ARHGAP18: variants seen among roughly 807,000 people sequenced by gnomAD.
ARHGAP18 encodes the protein rho GTPase-activating protein 18.
Under a neutral mutation model 86.2 loss-of-function variants are expected in ARHGAP18, and 67 were observed. That is an observed-to-expected ratio of 0.78 (90% CI 0.64 to 0.95). The LOEUF (loss-of-function observed/expected upper bound fraction) is 0.95, where lower values mean the gene tolerates loss of function less well. Ranked by LOEUF, ARHGAP18 falls within the 40% of genes least tolerant of loss-of-function variation. The pLI, the probability that ARHGAP18 is intolerant of heterozygous loss-of-function variation, is 0.00. For missense variants in ARHGAP18, 691 were observed against 780.4 expected (o/e 0.89, Z 1.37); for synonymous variants, 283 against 280.4 (o/e 1.01, Z -0.09).
At chr6:129,684,104 G>A (rs1720062019) in intron 1 of ARHGAP18, among the ~76,000 whole-genome samples, 1 of 152,220 alleles carries the variant, frequency 6.6e-6, no homozygotes, top group African/African-American at 2.4e-5. Flanking sequence ...GCAGGCCTGG[G>A]GAGAGAGATG....
intron 1 of ARHGAP18, among the ~76,000 whole-genome samples, chr6:129,687,448 C>T (rs1473105188): frequency 6.6e-6 from 1 of 152,102 alleles, no homozygotes; most frequent in Non-Finnish European, 1.5e-5. Context: ...TTTCTTCTTC[C>T]TCAGGCACCA....
intron 4 of ARHGAP18, among the ~76,000 whole-genome samples, chr6:129,630,814 A>T (rs1773187320): frequency 6.6e-6 from 1 of 152,200 alleles, no homozygotes; most frequent in Non-Finnish European, 1.5e-5. Context: ...TGTAAATAAG[A>T]GGCCCTATAT....
chr6:129,674,757 A>G (rs1161397903), intron 1 of ARHGAP18, among the ~76,000 whole-genome samples: 1 of 152,188 alleles, frequency 6.6e-6, no homozygotes, highest in African/African-American at 2.4e-5. Context: ...CCTGGAATCA[A>G]TCCCCCATGG....
In ARHGAP18 at chr6:129,615,470, A is replaced by G. The variant is rs187827545; in HGVS notation, c.1044+742T>C. 1.4e-4 allele frequency among the ~76,000 whole-genome samples: 21 copies of G among 152,328 alleles called. No individual in the cohort carries two copies. In the East Asian group the frequency reaches 2.3e-3, roughly 17 times the overall value. ...GGAAGAATAAGTGCCAAGTAGATTG[A>G]GCCTTAGTACTGGATGAGTTTGCTG... On this transcript the variant is annotated intron_variant, in intron 7 of 14. Coordinates refer to ENST00000368149, the MANE Select transcript of ARHGAP18 (RefSeq NM_033515.3).
At chr6:129,586,800 G>C (rs1024205622) in intron 12 of ARHGAP18, among the ~76,000 whole-genome samples, 2 of 152,124 alleles carry the variant, frequency 1.3e-5, no homozygotes, top group African/African-American at 4.8e-5. Flanking sequence ...ACCTTCTACT[G>C]TTTGGATAAA....
chr6:129,588,107 G>T (rs943299916), intron 12 of ARHGAP18, among the ~76,000 whole-genome samples: 5 of 148,752 alleles, frequency 3.4e-5, no homozygotes, highest in Admixed American at 1.4e-4. Context: ...AATCCAACAG[G>T]GAAGTCACCA....
chr6:129,638,762 C>T (rs1773387032), intron 2 of ARHGAP18, 133 bp from the exon 3 acceptor site: 1 of 790,274 alleles, frequency 1.3e-6, no homozygotes, highest in Non-Finnish European at 2.0e-6. Context: ...TTATCTAAAA[C>T]TTGGACAACT....
At chr6:129,694,217 G>T (rs562724586) in intron 1 of ARHGAP18, among the ~76,000 whole-genome samples, 1 of 152,196 alleles carries the variant, frequency 6.6e-6, no homozygotes, top group East Asian at 1.9e-4. Context: ...AATAGCATTC[G>T]GTTCACAAAA....
Position 129,618,733 on chromosome 6 carries a change from C to G in ARHGAP18, c.906G>C (p.Leu302Phe). Residue 302 changes from leucine (L) to phenylalanine (F), a missense_variant, in exon 6 of 15, where the codon TTG becomes TTC. By Grantham distance (22) the Leu-to-Phe change is conservative (BLOSUM62 0). Transcript: ENST00000368149. ...CTTTTTGTTGTTTCAGCTCAATACC[C>G]AATACATCATAGAGGGCAGTCAGCT... ...LIELTALYDV[L>F]GIELKQQKAV... 1 of 1,613,262 alleles carries G rather than the reference C, an allele frequency of 6.2e-7. No individual in the cohort carries two copies.
At position 129,656,091 on chromosome 6, in the gene ARHGAP18, A is replaced by G. The variant is rs1773829010; in HGVS notation, c.114-14073T>C. 2.6e-5 allele frequency among the ~76,000 whole-genome samples: 4 copies of G among 152,362 alleles called. No individual in the cohort carries two copies. The South Asian group carries it at 8.3e-4, about 32-fold the overall frequency. ...AGATCACTAAAGCTGTGATTCACACATTCATTCAACAACTACTGACTCCCT... is the reference window on the plus strand; with the variant it reads ...AGATCACTAAAGCTGTGATTCACACGTTCATTCAACAACTACTGACTCCCT... On this transcript the variant is annotated intron_variant, in intron 1 of 14. Transcript: ENST00000368149.
chr6:129,585,436 T>C (rs1788377621), intron 12 of ARHGAP18, among the ~76,000 whole-genome samples: 1 of 152,232 alleles, frequency 6.6e-6, no homozygotes, highest in African/African-American at 2.4e-5. Flanking sequence ...AAAGATTTAA[T>C]ATTGCTTCTC....
chr6:129,622,687 T>C (rs2114475150), intron 5 of ARHGAP18, among the ~76,000 whole-genome samples: 1 of 151,078 alleles, frequency 6.6e-6, no homozygotes, highest in Admixed American at 6.6e-5. Flanking sequence ...AAAAGTTCTC[T>C]ACCTCTTGAA....
At chr6:129,654,379 A>C (rs995837464) in intron 1 of ARHGAP18, among the ~76,000 whole-genome samples, 1 of 152,220 alleles carries the variant, frequency 6.6e-6, no homozygotes, top group African/African-American at 2.4e-5. Flanking sequence ...AGAAGCTGGA[A>C]GTTTATGACC....
At chr6:129,626,660 AACACACACACATACACACACAC>A (rs1190685534) in intron 5 of ARHGAP18, among the ~76,000 whole-genome samples, 2 of 119,732 alleles carry the variant, frequency 1.7e-5, no homozygotes, top group African/African-American at 3.0e-5. Context: ...GTACCCCCAA[AACACACACACATACACACACAC>A]ACACACACAC....
intron 5 of ARHGAP18, among the ~76,000 whole-genome samples, chr6:129,625,868 TATATTA>T (rs1789438938): frequency 2.2e-5 from 1 of 45,334 alleles, no homozygotes; most frequent in Non-Finnish European, 4.3e-5. Flanking sequence ...TTATATATTA[TATATTA>T]TATATTTATA....
intron 1 of ARHGAP18, among the ~76,000 whole-genome samples, chr6:129,662,315 G>A (rs1023847002): frequency 2.0e-5 from 3 of 152,242 alleles, no homozygotes; most frequent in Non-Finnish European, 2.9e-5. Context: ...AGTGTGAAGG[G>A]CCCATCAGGG....
intron 1 of ARHGAP18, among the ~76,000 whole-genome samples, chr6:129,698,198 T>C (rs562282355): frequency 3.9e-5 from 6 of 152,330 alleles, no homozygotes; most frequent in Non-Finnish European, 8.8e-5. Context: ...TATTTTTTTC[T>C]AGGCTTATCA....
chr6:129,586,431 C>T (rs890420855), intron 12 of ARHGAP18, among the ~76,000 whole-genome samples: 1 of 151,942 alleles, frequency 6.6e-6, no homozygotes, highest in Non-Finnish European at 1.5e-5. Context: ...ATATTATTTA[C>T]TATTGTGGAG....
Position 129,710,100 on chromosome 6 carries a change from T to C in ARHGAP18, c.37A>G (p.Thr13Ala), listed in dbSNP as rs753354837. 1 of 1,613,986 alleles carries C rather than the reference T, an allele frequency of 6.2e-7. No individual in the cohort carries two copies. Among genetic ancestry groups the C allele is most frequent in the Non-Finnish European group, 8.5e-7 (1 of 1,179,898 alleles). Reference sequence around the variant, plus strand: ...TCCTTGCCGCTGGGGTGGTAGGCTGTTAGTACCACTCCCTGGGAACTGGAG... The same window carrying C: ...TCCTTGCCGCTGGGGTGGTAGGCTGCTAGTACCACTCCCTGGGAACTGGAG... ...WLSSSQGVVL[T>A]AYHPSGKDQT... Residue 13 changes from threonine (T) to alanine (A), a missense_variant, in exon 1 of 15, where the codon ACA becomes GCA. By Grantham distance (58) the Thr-to-Ala change is moderately conservative. Coordinates refer to ENST00000368149, the MANE Select transcript of ARHGAP18 (RefSeq NM_033515.3).
Sources: gnomAD v4.1 joint callset for allele counts (sites outside exome capture counted in the v4.1 genomes callset) on GRCh38, gnomAD v4.1.1 for gene constraint, MANE v1.5 for transcripts, NCBI Gene and HGNC (gene_info 2026-07-23, HGNC 2026-07-21) for gene names.